The following CD48 variants were observed in gnomAD, a reference collection of about 807,000 sequenced individuals.
The protein encoded by CD48 is CD48 antigen.
Under a neutral mutation model 22.0 loss-of-function variants are expected in CD48, and 20 were observed. The ratio of observed to expected loss-of-function variants is 0.91; its 90% CI spans 0.64 to 1.32. CD48 has a LOEUF of 1.32. CD48 is among the 40% of genes most tolerant of loss of function. The pLI is 0.00. For missense variants in CD48, 307 were observed against 286.5 expected, an observed-to-expected ratio of 1.07 and a Z score of -0.52; for synonymous variants, 110 against 110.1, an observed-to-expected ratio of 1.00 and a Z score of 0.01.
Position 160,706,343 on chromosome 1 carries a change from G to C in CD48, c.82+5339C>G, listed in dbSNP as rs71628191. On this transcript the variant is annotated intron_variant, in intron 1 of 3. Coordinates refer to ENST00000368046, the MANE Select transcript of CD48 (RefSeq NM_001778.4). ...CCTGCTTCGGCCTCCCAAAGTGCTGGGATTACAGGTGTGAACCACCATGCT... is the reference window on the plus strand; with the variant it reads ...CCTGCTTCGGCCTCCCAAAGTGCTGCGATTACAGGTGTGAACCACCATGCT... Among the ~76,000 whole-genome samples the C allele has an allele frequency of 4.6e-5, 7 of 152,130 alleles. No homozygotes were observed. The South Asian group carries it at 1.5e-3, about 32-fold the overall frequency.
At chr1:160,691,177 C>T (rs1055563832) in intron 1 of CD48, among the ~76,000 whole-genome samples, 2 of 152,136 alleles carry the variant, frequency 1.3e-5, no homozygotes, top group Non-Finnish European at 2.9e-5. Flanking sequence ...AAGGGAAAGA[C>T]CTGACCGTCC....
intron 1 of CD48, among the ~76,000 whole-genome samples, chr1:160,689,873 T>A (rs1347708601): frequency 1.3e-5 from 2 of 152,182 alleles, no homozygotes; most frequent in East Asian, 3.8e-4. Context: ...AGGTATTGGT[T>A]TGAGAGTTTT....
At chr1:160,708,341 C>T (rs1049255242) in intron 1 of CD48, among the ~76,000 whole-genome samples, 1 of 152,078 alleles carries the variant, frequency 6.6e-6, no homozygotes, top group Non-Finnish European at 1.5e-5. Flanking sequence ...ACAGTGGCCA[C>T]TAAAGATTTT....
At chr1:160,701,361 C>T (rs949230714) in intron 1 of CD48, among the ~76,000 whole-genome samples, 1 of 151,910 alleles carries the variant, frequency 6.6e-6, no homozygotes, top group African/African-American at 2.4e-5. Context: ...GAATGTTCCA[C>T]ATATCCAAGT....
chr1:160,690,268 T>C (rs947082620), intron 1 of CD48, among the ~76,000 whole-genome samples: 2 of 152,230 alleles, frequency 1.3e-5, no homozygotes, highest in Admixed American at 1.3e-4. Context: ...AAATGGGCCG[T>C]GCCTTCCCCT....
At chr1:160,701,731 G>C (rs1364923236) in intron 1 of CD48, among the ~76,000 whole-genome samples, 2 of 152,050 alleles carry the variant, frequency 1.3e-5, no homozygotes, top group Admixed American at 6.6e-5. Context: ...TGACCATCAG[G>C]GCCAGTGCAA....
chr1:160,694,550 C>T (rs2102419736), intron 1 of CD48, among the ~76,000 whole-genome samples: 1 of 152,192 alleles, frequency 6.6e-6, no homozygotes, highest in Admixed American at 6.5e-5. Flanking sequence ...CACTTCAATT[C>T]CTCTTAATCT....
chr1:160,695,892 A>T (rs1662400772), intron 1 of CD48, among the ~76,000 whole-genome samples: 1 of 152,218 alleles, frequency 6.6e-6, no homozygotes, highest in Non-Finnish European at 1.5e-5. Flanking sequence ...TACGAATAAT[A>T]AAATTATGTG....
chr1:160,710,500 G>C (rs553025362), intron 1 of CD48, among the ~76,000 whole-genome samples: 16 of 152,254 alleles, frequency 1.1e-4, no homozygotes, highest in African/African-American at 3.6e-4. Context: ...AAGAATAAAT[G>C]ACCAAGATGA....
In CD48 at chr1:160,708,002, G is replaced by A. The variant is rs534060629; in HGVS notation, c.82+3680C>T. Among the ~76,000 whole-genome samples, 191 of 152,228 alleles carry A rather than the reference G, an allele frequency of 1.3e-3. No homozygotes were observed. In the Middle Eastern group the frequency reaches 0.017, roughly 14 times the overall value. ...TCAACAAAATTAATCAGATGATTTC[G>A]CTATTGGTGATAAGTGTTAGGAAAA... is the stretch of plus-strand genomic sequence containing the variant. On this transcript the variant is annotated intron_variant, in intron 1 of 3. Coordinates refer to ENST00000368046, the MANE Select transcript of CD48 (RefSeq NM_001778.4).
chr1:160,703,778 T>G (rs755537102), intron 1 of CD48, among the ~76,000 whole-genome samples: 2 of 151,984 alleles, frequency 1.3e-5, no homozygotes, highest in Non-Finnish European at 2.9e-5. Context: ...AGTAAAGACT[T>G]GGAGGAGAGA....
chr1:160,682,142 T>C (rs1383976737), intron 2 of CD48, among the ~76,000 whole-genome samples: 1 of 152,038 alleles, frequency 6.6e-6, no homozygotes, highest in East Asian at 1.9e-4. Flanking sequence ...ATGAAGTAGT[T>C]ATGAGATAGA....
At chr1:160,697,204 G>T (rs562239463) in intron 1 of CD48, among the ~76,000 whole-genome samples, 1 of 152,282 alleles carries the variant, frequency 6.6e-6, no homozygotes, top group East Asian at 1.9e-4. Flanking sequence ...AGCTGATAAC[G>T]TGGGGGAGAG....
intron 2 of CD48, chr1:160,683,968 C>T (rs1169151127): frequency 1.3e-5 from 2 of 149,910 alleles, no homozygotes; most frequent in Non-Finnish European, 2.9e-5. Flanking sequence ...AGATCAGGTA[C>T]ACACACCTGA....
Position 160,685,044 on chromosome 1 carries a change from G to A in CD48, c.228C>T (p.Tyr76=). ...CCCTGCCTTTAAATTTGGATTCAAA[G>A]TACTTAGATTTTCTGGAATCCCATT... ...IVEWDSRKSK[Y]FESKFKGRVR... is the part of the protein sequence containing the mutation. The change falls in exon 2 of 4, where the codon TAC becomes TAT. Residue 76 remains tyrosine (Y), a synonymous_variant. Coordinates refer to ENST00000368046, the MANE Select transcript of CD48 (RefSeq NM_001778.4). The A allele has an allele frequency of 1.9e-6, 3 of 1,614,198 alleles. No individual in the cohort carries two copies. The highest frequency in any genetic ancestry group is 2.2e-5 in the South Asian group (2 of 91,086).
intron 2 of CD48, among the ~76,000 whole-genome samples, chr1:160,683,113 C>A (rs1404994277): frequency 1.3e-5 from 2 of 152,164 alleles, no homozygotes; most frequent in African/African-American, 2.4e-5. Context: ...TCCTGGACTT[C>A]CCCTATATGT....
chr1:160,684,492 A>C, intron 2 of CD48: 1 of 399,442 alleles, frequency 2.5e-6, no homozygotes, highest in Non-Finnish European at 4.5e-6. Context: ...TTCTCCTGAT[A>C]ACTCCTGCCC....
At chr1:160,711,122 G>T (rs891114640) in intron 1 of CD48, among the ~76,000 whole-genome samples, 1 of 152,144 alleles carries the variant, frequency 6.6e-6, no homozygotes, top group Non-Finnish European at 1.5e-5. Flanking sequence ...ATGTGTTAAG[G>T]TTCCTTTGAT....
chr1:160,687,022 G>C (rs1235376012), intron 1 of CD48, among the ~76,000 whole-genome samples: 1 of 152,130 alleles, frequency 6.6e-6, no homozygotes, highest in African/African-American at 2.4e-5. Context: ...TGGGAGACTG[G>C]AGTCTATTTC....
Sources: gnomAD v4.1 joint callset for allele counts (sites outside exome capture counted in the v4.1 genomes callset) on GRCh38, gnomAD v4.1.1 for gene constraint, MANE v1.5 for transcripts, NCBI Gene and HGNC (gene_info 2026-07-23, HGNC 2026-07-21) for gene names.